Variants in PDCD6 observed in about 807,000 individuals in gnomAD.
The protein encoded by PDCD6 is programmed cell death protein 6.
Under a neutral mutation model 28.3 loss-of-function variants are expected in PDCD6, and 12 were observed. The observed-to-expected ratio is 0.42, with a 90% CI of 0.27 to 0.69. The LOEUF is 0.69. Among genes scored for constraint, PDCD6 ranks in the 30% least tolerant of loss-of-function variants. PDCD6 has a pLI of 0.22. For synonymous variants in PDCD6, 92 were observed against 108.0 expected (o/e 0.85, Z 0.92); for missense variants, 226 against 269.9 (o/e 0.84, Z 1.14).
chr5:311,382 C>T lies in PDCD6; in HGVS notation c.457C>T (p.Gln153Ter). ...GCAGATTGCCTTCGACGACTTCATC[C>T]AGGGCTGCATCGTCCTGCAGGTGAC... Reference protein sequence around the residue: ...RGQIAFDDFIQGCIVLQRLTD... With the variant: ...RGQIAFDDFI The change falls in exon 5 of 6, where the codon CAG becomes TAG. Residue 153 changes from glutamine to a stop codon, truncating the protein, a stop_gained. Transcript: ENST00000264933. LOFTEE classifies it high-confidence loss of function. 6.2e-7 allele frequency: 1 copy of T among 1,613,426 alleles called. No individual in the cohort carries two copies.
intron 5 of PDCD6, 48 bp downstream of exon 5, chr5:311,450 T>C: frequency 7.7e-7 from 1 of 1,294,264 alleles, no homozygotes; most frequent in South Asian, 1.2e-5. Context: ...GGGAGGGGCT[T>C]GCTTGCCAGC....
At chr5:286,593 G>A (rs1738986509) in intron 2 of PDCD6, among the ~76,000 whole-genome samples, 1 of 151,950 alleles carries the variant, frequency 6.6e-6, no homozygotes, top group South Asian at 2.1e-4. Flanking sequence ...AGAGGACCGT[G>A]CCACTGGAGA....
At chr5:296,147 A>C (rs1419294188) in intron 2 of PDCD6, among the ~76,000 whole-genome samples, 2 of 152,194 alleles carry the variant, frequency 1.3e-5, no homozygotes, top group African/African-American at 2.4e-5. Flanking sequence ...TTTAAGACCA[A>C]AAGGATCCAT....
At chr5:292,193 G>A (rs1473817694) in intron 2 of PDCD6, among the ~76,000 whole-genome samples, 5 of 152,108 alleles carry the variant, frequency 3.3e-5, no homozygotes, top group Non-Finnish European at 7.4e-5. Context: ...TCTGTGGAGG[G>A]CCAGTTCAGC....
chr5:283,409 A>AGACTTG (rs1342638418), intron 2 of PDCD6, among the ~76,000 whole-genome samples: 272 of 118,384 alleles, frequency 2.3e-3, no homozygotes, highest in African/African-American at 9.1e-3. Flanking sequence ...CTGCAGACCC[A>AGACTTG]GAGAGGAGCT....
intron 5 of PDCD6, 28 bp downstream of exon 5, chr5:311,430 T>G: frequency 2.6e-4 from 382 of 1,477,682 alleles, no homozygotes; most frequent in Non-Finnish European, 3.3e-4. Flanking sequence ...CGTGGGTTTG[T>G]GGTGGTGGTG....
rs1400888781 is a variant in PDCD6 at position 271,668 on chromosome 5, T to A, written c.-53T>A. The A allele has an allele frequency of 9.4e-7, 1 of 1,066,916 alleles. No individual in the cohort carries two copies. The highest frequency in any genetic ancestry group is 1.4e-6 in the Non-Finnish European group (1 of 721,698). The allele number at this position is 1,066,916 out of a possible 1,614,324, so 66.1% of individuals were successfully genotyped here. ...GGCAGAGGCGGAAGCGGAGTCGGCCTGAGAGGTCTCTCGTCGCTGCAGGCG... is the reference window on the plus strand; with the variant it reads ...GGCAGAGGCGGAAGCGGAGTCGGCCAGAGAGGTCTCTCGTCGCTGCAGGCG... On this transcript the variant is annotated 5_prime_UTR_variant, in exon 1 of 6. Coordinates refer to ENST00000264933, the MANE Select transcript of PDCD6 (RefSeq NM_013232.4).
intron 2 of PDCD6, among the ~76,000 whole-genome samples, chr5:302,232 A>C (rs1740123532): frequency 8.6e-6 from 1 of 116,074 alleles, no homozygotes; most frequent in Admixed American, 1.0e-4. Context: ...GTTCAGGTGC[A>C]CCTGCCTTTG....
At position 306,832 on chromosome 5, in the gene PDCD6, C is replaced by T. The variant is rs1174400402; in HGVS notation, c.367+72C>T. On this transcript the variant is annotated intron_variant, in intron 4 of 5. Transcript: ENST00000264933. ...TTGGAGCCGTTGAAGTTCTTTAAAC[C>T]TTGTTGGACTTAACTGATTGTCTAA... The T allele has an allele frequency of 8.9e-6, 13 of 1,455,400 alleles. No individual in the cohort carries two copies. In the African/African-American group the frequency reaches 1.8e-4, roughly 20 times the overall value. The allele number at this position is 1,455,400 out of a possible 1,614,324, so 90.2% of individuals were successfully genotyped here.
At chr5:292,708 A>G (rs556324980) in intron 2 of PDCD6, among the ~76,000 whole-genome samples, 1 of 152,294 alleles carries the variant, frequency 6.6e-6, no homozygotes, top group Admixed American at 6.5e-5. Context: ...GGGTATGGAG[A>G]ACAGAGCCGA....
chr5:277,547 C>T (rs1478332302), intron 2 of PDCD6, among the ~76,000 whole-genome samples: 4 of 151,366 alleles, frequency 2.6e-5, no homozygotes, highest in Non-Finnish European at 5.9e-5. Flanking sequence ...ATGATCCACC[C>T]GCCTCAGCCT....
chr5:288,313 C>CAT (rs1315013859), intron 2 of PDCD6, among the ~76,000 whole-genome samples: 149 of 91,926 alleles, frequency 1.6e-3, no homozygotes, highest in African/African-American at 5.3e-3. Flanking sequence ...TATATATATA[C>CAT]ACATATGTAT....
chr5:278,329 C>G (rs1291843388), intron 2 of PDCD6, among the ~76,000 whole-genome samples: 1 of 151,970 alleles, frequency 6.6e-6, no homozygotes, highest in Non-Finnish European at 1.5e-5. Context: ...ACAAAAATAC[C>G]TGCCCACATT....
intron 2 of PDCD6, among the ~76,000 whole-genome samples, chr5:278,770 G>A (rs1738367678): frequency 6.7e-6 from 1 of 150,266 alleles, no homozygotes; most frequent in Admixed American, 6.6e-5. Context: ...GGCAAGCAGG[G>A]GAGAGGGCTG....
chr5:302,070 C>CTGTGTGTGTGTGTGTGTG (rs369323059), intron 2 of PDCD6, among the ~76,000 whole-genome samples: 1,507 of 57,624 alleles, frequency 0.026, 175 homozygotes, highest in Non-Finnish European at 0.039. Context: ...GAGTGCTGCT[C>CTGTGTGTGTGTGTGTGTG]TGTGTGTGTG....
intron 2 of PDCD6, among the ~76,000 whole-genome samples, chr5:280,957 GA>G (rs2126695221): frequency 6.6e-6 from 1 of 152,378 alleles, no homozygotes; most frequent in Non-Finnish European, 1.5e-5. Flanking sequence ...TAACAGTTGG[GA>G]TTAATGTGTA....
intron 1 of PDCD6, 79 bp downstream of exon 1, chr5:271,900 C>T (rs1400739456): frequency 4.1e-6 from 3 of 735,556 alleles, no homozygotes; most frequent in Non-Finnish European, 5.9e-6. Flanking sequence ...CCCGACCAAC[C>T]CCGTTCCCTG....
intron 2 of PDCD6, among the ~76,000 whole-genome samples, chr5:290,857 C>T (rs533645227): frequency 7.7e-4 from 117 of 152,312 alleles, no homozygotes; most frequent in Non-Finnish European, 2.2e-4. Flanking sequence ...GGTGAGGTTC[C>T]GTGGATGGAA....
chr5:314,448 C>T lies in PDCD6; in HGVS notation c.509C>T (p.Thr170Met), dbSNP rs763389359. 2.0e-5 allele frequency: 33 copies of T among 1,613,586 alleles called. No individual in the cohort carries two copies. Among genetic ancestry groups the T allele is most frequent in the Admixed American group, 8.3e-5 (5 of 60,004 alleles). Residue 170 changes from threonine (T) to methionine (M), a missense_variant, in exon 6 of 6, where the codon ACG becomes ATG. Physicochemically the swap from Thr to Met is moderately conservative, Grantham distance 81. Transcript: ENST00000264933. ...ACGGATATATTCAGACGTTACGACA[C>T]GGATCAGGACGGCTGGATTCAGGTG... ...RLTDIFRRYD[T>M]DQDGWIQVSY...
Sources: gnomAD v4.1 joint callset for allele counts (sites outside exome capture counted in the v4.1 genomes callset) on GRCh38, gnomAD v4.1.1 for gene constraint, MANE v1.5 for transcripts, NCBI Gene and HGNC (gene_info 2026-07-23, HGNC 2026-07-21) for gene names.